The following HPCAL1 variants were observed in gnomAD, a reference collection of about 807,000 sequenced individuals.
HPCAL1 encodes the protein hippocalcin like 1.
HPCAL1 carries 8 observed loss-of-function variants against 17.1 expected under a neutral mutation model. That is an observed-to-expected ratio of 0.47 (90% CI 0.27 to 0.84). The LOEUF (loss-of-function observed/expected upper bound fraction) is 0.84, where lower values mean the gene tolerates loss of function less well. HPCAL1 is among the 40% of genes least tolerant of loss of function. The pLI, the probability that HPCAL1 is intolerant of heterozygous loss-of-function variation, is 0.13. For missense variants in HPCAL1, 165 were observed against 271.1 expected, an observed-to-expected ratio of 0.61 and a Z score of 2.75; for synonymous variants, 112 against 111.4, an observed-to-expected ratio of 1.01 and a Z score of -0.03.
At position 10,365,552 on chromosome 2, in the gene HPCAL1, C is replaced by T. The variant is rs945129760; in HGVS notation, c.-110-31283C>T. 4.6e-5 allele frequency among the ~76,000 whole-genome samples: 7 copies of T among 152,152 alleles called. No individual in the cohort carries two copies. Among genetic ancestry groups the T allele is most frequent in the Admixed American group, 3.3e-4 (5 of 15,276 alleles). ...CCAGGAGCCATTGTTTCTCTTCCCA[C>T]CTGACCTTGGGTGGTTCCCCTTCAG... On this transcript the variant is annotated intron_variant, in intron 1 of 4. Transcript: ENST00000307845. The surrounding 1 kb of genome is among the most constrained non-coding windows in gnomAD (Gnocchi z 4.8).
At position 10,426,519 on chromosome 2, in the gene HPCAL1, GT is replaced by G. The variant is rs1406832337; in HGVS notation, c.485-204del. On this transcript the variant is annotated intron_variant, in intron 4 of 4. Coordinates refer to ENST00000307845, the MANE Select transcript of HPCAL1 (RefSeq NM_002149.4). ...GGGTAAGCCCTTTGAGGTACCTGAT[GT>G]ATTGCAGGGAGCAGGGAAAGGAAAA... 5.3e-6 allele frequency: 3 copies of G among 562,900 alleles called. No homozygotes were observed. In the Admixed American group the frequency reaches 9.1e-5, roughly 17 times the overall value. The allele number at this position is 562,900 out of a possible 1,614,324, so 34.9% of individuals were successfully genotyped here.
At chr2:10,380,375 A>C (rs1217290263) in intron 1 of HPCAL1, among the ~76,000 whole-genome samples, 1 of 152,074 alleles carries the variant, frequency 6.6e-6, no homozygotes, top group Non-Finnish European at 1.5e-5. Context: ...CTGCTGGGGC[A>C]GGGGTGTGGG....
At chr2:10,422,846 C>T (rs1044826149) in intron 3 of HPCAL1, 137 bp from the exon 4 acceptor site, 1 of 624,446 alleles carries the variant, frequency 1.6e-6, no homozygotes, top group East Asian at 2.8e-5. Context: ...ATTCTCCCCA[C>T]TGGGGAAGGG....
At position 10,363,116 on chromosome 2, in the gene HPCAL1, G is replaced by T. The variant is rs1666621598; in HGVS notation, c.-110-33719G>T. 6.6e-6 allele frequency among the ~76,000 whole-genome samples: 1 copy of T among 152,156 alleles called. No homozygotes were observed. The highest frequency in any genetic ancestry group is 2.4e-5 in the African/African-American group (1 of 41,430). On this transcript the variant is annotated intron_variant, in intron 1 of 4. Transcript: ENST00000307845. This position sits in a 1 kb window ranked among gnomAD's most constrained non-coding sequence, Gnocchi z 4.7. ...AGCCTGGCCAACAGAGCAAGACCTTGTCTCAAAAAGTAAATAAAAAATAAA... is the reference window on the plus strand; with the variant it reads ...AGCCTGGCCAACAGAGCAAGACCTTTTCTCAAAAAGTAAATAAAAAATAAA...
intron 1 of HPCAL1, among the ~76,000 whole-genome samples, chr2:10,312,016 A>T (rs1322781816): frequency 2.7e-5 from 4 of 149,298 alleles, no homozygotes; most frequent in Non-Finnish European, 5.9e-5. Flanking sequence ...CATCACTGTT[A>T]TCGTCACCAT....
intron 1 of HPCAL1, among the ~76,000 whole-genome samples, chr2:10,385,865 G>A (rs149796165): frequency 3.7e-4 from 56 of 152,246 alleles, no homozygotes; most frequent in South Asian, 3.1e-3. Context: ...CTGGACGCCT[G>A]GTTCCAGGCT....
intron 1 of HPCAL1, among the ~76,000 whole-genome samples, chr2:10,337,838 T>C (rs12328290): frequency 0.22 from 33,344 of 152,100 alleles, 4,763 homozygotes; most frequent in African/African-American, 0.4. Flanking sequence ...GCAGGCTGGT[T>C]CTTAGGAATG....
intron 1 of HPCAL1, among the ~76,000 whole-genome samples, chr2:10,379,766 A>G (rs890756423): frequency 6.6e-6 from 1 of 152,202 alleles, no homozygotes; most frequent in African/African-American, 2.4e-5. Context: ...CACAGGGTTA[A>G]AGGCAGGCTT....
At position 10,328,926 on chromosome 2, in the gene HPCAL1, A is replaced by G. The variant is rs188665266; in HGVS notation, c.-111+25749A>G. Among the ~76,000 whole-genome samples the G allele has an allele frequency of 2.0e-5, 3 of 151,100 alleles. No individual in the cohort carries two copies. The East Asian group carries it at 5.8e-4, about 29-fold the overall frequency. ...ACTCCCTTCCTTCATCAAGATCACT[A>G]GTGGTGAGCCTTTAAATGCCTGTAA... On this transcript the variant is annotated intron_variant, in intron 1 of 4. Transcript: ENST00000307845.
Position 10,426,975 on chromosome 2 carries a change from C to T in HPCAL1, c.*154C>T. The T allele has an allele frequency of 1.5e-6, 1 of 646,956 alleles. No homozygotes were observed. Among genetic ancestry groups the T allele is most frequent in the East Asian group, 2.8e-5 (1 of 36,214 alleles). The allele number at this position is 646,956 out of a possible 1,614,324, so 40.1% of individuals were successfully genotyped here. A position where few individuals can be genotyped will look rare whatever the true frequency, so the allele number is the denominator to read the frequency against. On this transcript the variant is annotated 3_prime_UTR_variant, in exon 5 of 5. Transcript: ENST00000307845. ...CTGCCCAGCCCGGTGGCTGCGCCTC[C>T]CTCCTCCACCTGACCAACGCGACAT...
intron 1 of HPCAL1, among the ~76,000 whole-genome samples, chr2:10,373,112 G>A (rs887975): frequency 0.21 from 31,286 of 152,112 alleles, 6,952 homozygotes; most frequent in African/African-American, 0.52. Flanking sequence ...TGAGAGCTGC[G>A]AGCCGGGGCC....
chr2:10,354,098 C>T lies in HPCAL1; in HGVS notation c.-110-42737C>T, dbSNP rs1665994116. 1 of 152,208 alleles carries T rather than the reference C, an allele frequency of 6.6e-6. No homozygotes were observed. The highest frequency in any genetic ancestry group is 1.5e-5 in the Non-Finnish European group (1 of 68,044). 9.4% of individuals were successfully genotyped at this position (152,208 alleles called of 1,614,324 possible). A position where few individuals can be genotyped will look rare whatever the true frequency, so the allele number is the denominator to read the frequency against. ...TGCATTTCTCCAGTGACAAGGCGCT[C>T]ACTCCTCCCACGGCGATGCATTCCA... On this transcript the variant is annotated intron_variant, in intron 1 of 4. Coordinates refer to ENST00000307845, the MANE Select transcript of HPCAL1 (RefSeq NM_002149.4). This position sits in a 1 kb window ranked among gnomAD's most constrained non-coding sequence, Gnocchi z 5.1.
rs551909503 is a variant in HPCAL1 at position 10,371,776 on chromosome 2, C to T, written c.-110-25059C>T. On this transcript the variant is annotated intron_variant, in intron 1 of 4. Coordinates refer to ENST00000307845, the MANE Select transcript of HPCAL1 (RefSeq NM_002149.4). ...GAAAGGTCCCTGGGCCTGGTGTGCT[C>T]CAAGAACCTCGCTGTCAGGGGTCAG... is the stretch of plus-strand genomic sequence containing the variant. Among the ~76,000 whole-genome samples, 7 of 152,288 alleles carry T rather than the reference C, an allele frequency of 4.6e-5. No individual in the cohort carries two copies. In the East Asian group the frequency reaches 1.4e-3, roughly 29 times the overall value.
In HPCAL1 at chr2:10,419,698, G is replaced by A. The variant is rs944834632; in HGVS notation, c.-24-36G>A. 4 of 1,559,740 alleles carry A rather than the reference G, an allele frequency of 2.6e-6. No individual in the cohort carries two copies. The highest frequency in any genetic ancestry group is 3.5e-6 in the Non-Finnish European group (4 of 1,153,804). ...CATGGCTCAGCCCTGCTCCGTGGCC[G>A]TGGGTGGCGTCCCCGGCTGACCCCC... On this transcript the variant is annotated intron_variant, in intron 2 of 4. Coordinates refer to ENST00000307845, the MANE Select transcript of HPCAL1 (RefSeq NM_002149.4). The surrounding 1 kb of genome is among the most constrained non-coding windows in gnomAD (Gnocchi z 5.0).
chr2:10,379,429 G>T (rs1452532763), intron 1 of HPCAL1, among the ~76,000 whole-genome samples: 4 of 151,840 alleles, frequency 2.6e-5, no homozygotes, highest in Non-Finnish European at 4.4e-5. Context: ...GACAGGCCTG[G>T]CTCCTTTTCT....
chr2:10,352,890 G>T (rs1247530838), intron 1 of HPCAL1, among the ~76,000 whole-genome samples: 1 of 152,224 alleles, frequency 6.6e-6, no homozygotes, highest in Non-Finnish European at 1.5e-5. Context: ...CTCTTTGAAG[G>T]TGGGTACCAT....
intron 1 of HPCAL1, among the ~76,000 whole-genome samples, chr2:10,312,833 C>T (rs1663075594): frequency 6.6e-6 from 1 of 152,052 alleles, no homozygotes; most frequent in South Asian, 2.1e-4. Context: ...CATTCATCAT[C>T]ACTGTCATCA....
rs185396241 is a variant in HPCAL1, at chr2:10,383,815, G to T, written c.-110-13020G>T. ...TCTTTGGTGTGTGCGGGGAAGGGGG[G>T]GCTGTCCTGTGCATTGTGGGGTATT... On this transcript the variant is annotated intron_variant, in intron 1 of 4. Coordinates refer to ENST00000307845, the MANE Select transcript of HPCAL1 (RefSeq NM_002149.4). 4.5e-3 allele frequency among the ~76,000 whole-genome samples: 689 copies of T among 152,188 alleles called. 10 individuals carry two copies. Among genetic ancestry groups the T allele is most frequent in the African/African-American group, 0.016 (658 of 41,508 alleles).
At chr2:10,414,502 A>T (rs1558530393) in intron 2 of HPCAL1, among the ~76,000 whole-genome samples, 1 of 151,938 alleles carries the variant, frequency 6.6e-6, no homozygotes, top group African/African-American at 2.4e-5. Context: ...CTGTGTCCTC[A>T]TCTCCTCTTC....
Sources: gnomAD v4.1 joint callset for allele counts (sites outside exome capture counted in the v4.1 genomes callset) on GRCh38, gnomAD v4.1.1 for gene constraint, Gnocchi (gnomAD v3.1) non-coding constraint, MANE v1.5 for transcripts, NCBI Gene and HGNC (gene_info 2026-07-23, HGNC 2026-07-21) for gene names.